PLEKHA5: variants seen among roughly 807,000 people sequenced by gnomAD.
PLEKHA5 encodes the protein pleckstrin homology domain-containing family A member 5.
PLEKHA5 carries 55 observed loss-of-function variants against 181.9 expected under a neutral mutation model. That is an observed-to-expected ratio of 0.30 (90% confidence interval 0.24 to 0.38). PLEKHA5 has a LOEUF of 0.38. PLEKHA5 is among the 10% of genes least tolerant of loss of function. The probability of loss-of-function intolerance (pLI) is 1.00; values close to 1 mark genes in which losing one functional copy is unlikely to be tolerated. For missense variants in PLEKHA5, 1,432 were observed against 1,549.5 expected, an observed-to-expected ratio of 0.92 and a Z score of 1.27; for synonymous variants, 535 against 529.4, an observed-to-expected ratio of 1.01 and a Z score of -0.15.
chr12:19,340,346 GC>G (rs1467684541), intron 21 of PLEKHA5, among the ~76,000 whole-genome samples: 5 of 144,874 alleles, frequency 3.5e-5, no homozygotes, highest in Non-Finnish European at 7.7e-5. Context: ...CCGGCCAGCC[GC>G]CCCGTCCAGG....
intron 11 of PLEKHA5, 45 bp downstream of exon 11, chr12:19,275,028 T>C: frequency 7.6e-7 from 1 of 1,320,216 alleles, no homozygotes; most frequent in Non-Finnish European, 1.1e-6. Flanking sequence ...TCTTTGATGC[T>C]GTGTTGGTGG....
At position 19,291,368 on chromosome 12, in the gene PLEKHA5, ACAGT is replaced by A. The variant is rs369200603; in HGVS notation, c.1984-271_1984-268del. Among the ~76,000 whole-genome samples the A allele has an allele frequency of 2.0e-3, 299 of 152,324 alleles. 1 individual carries two copies. The highest frequency in any genetic ancestry group is 5.4e-3 in the African/African-American group (224 of 41,592). ...AAATAATTGACATGTAAAAGTTCTA[ACAGT>A]CAGTTTGCTAAAGCTATTTTAAGGA... On this transcript the variant is annotated intron_variant, in intron 14 of 31. Transcript: ENST00000429027.
chr12:19,217,042 TA>T (rs1193005103), intron 3 of PLEKHA5, among the ~76,000 whole-genome samples: 2 of 152,196 alleles, frequency 1.3e-5, no homozygotes, highest in Non-Finnish European at 2.9e-5. Context: ...CTAAATTAAG[TA>T]AATGCAATAG....
chr12:19,332,303 GC>G (rs1263254208), intron 20 of PLEKHA5, among the ~76,000 whole-genome samples: 1 of 152,056 alleles, frequency 6.6e-6, no homozygotes. Flanking sequence ...CCCTCCTCCT[GC>G]CCAACATGCA....
At chr12:19,150,096 A>G (rs1457901906) in intron 3 of PLEKHA5, 1 of 152,238 alleles carries the variant, frequency 6.6e-6, no homozygotes, top group Non-Finnish European at 1.5e-5. Context: ...ATATGGGATT[A>G]CACTTGATCC....
At chr12:19,239,989 A>G (rs1433980337) in intron 3 of PLEKHA5, among the ~76,000 whole-genome samples, 2 of 152,244 alleles carry the variant, frequency 1.3e-5, no homozygotes, top group African/African-American at 4.8e-5. Flanking sequence ...TTGTTATGCT[A>G]CAAGATAGCT....
chr12:19,291,507 A>G, intron 14 of PLEKHA5, 137 bp from the exon 15 acceptor site: 3 of 527,322 alleles, frequency 5.7e-6, no homozygotes, highest in Non-Finnish European at 1.0e-5. Flanking sequence ...ACAGGGGAGC[A>G]TGTGCGTGAA....
In PLEKHA5 at chr12:19,282,262, C is replaced by T. The variant is rs1418468054; in HGVS notation, c.1314-1018C>T. ...ATTTTTAGATTGCTTTAAGAAGCCTCCTGAAAAATATTCTACCATCTATGA... is the reference window on the plus strand; with the variant it reads ...ATTTTTAGATTGCTTTAAGAAGCCTTCTGAAAAATATTCTACCATCTATGA... On this transcript the variant is annotated intron_variant, in intron 11 of 31. Transcript: ENST00000429027. Among the ~76,000 whole-genome samples the T allele has an allele frequency of 2.0e-5, 3 of 152,170 alleles. No individual in the cohort carries two copies. In the East Asian group the frequency reaches 5.8e-4, roughly 29 times the overall value.
rs2093443998 is a variant in PLEKHA5 at position 19,336,634 on chromosome 12, T to A, written c.2550+18T>A. 2.2e-6 allele frequency: 3 copies of A among 1,369,348 alleles called. No individual in the cohort carries two copies. Among genetic ancestry groups the A allele is most frequent in the Non-Finnish European group, 3.1e-6 (3 of 961,602 alleles). The allele number at this position is 1,369,348 out of a possible 1,614,324, so 84.8% of individuals were successfully genotyped here. On this transcript the variant is annotated intron_variant, in intron 21 of 31. Coordinates refer to ENST00000429027, the MANE Select transcript of PLEKHA5 (RefSeq NM_001256470.2). Reference sequence around the variant, plus strand: ...AAGTTCAGGTACAAAAGTATAATATTCTTTATATTGTTTTAACTGTTTTTA... The same window carrying A: ...AAGTTCAGGTACAAAAGTATAATATACTTTATATTGTTTTAACTGTTTTTA...
At chr12:19,178,170 T>C (rs1358001768) in intron 3 of PLEKHA5, among the ~76,000 whole-genome samples, 5 of 152,220 alleles carry the variant, frequency 3.3e-5, no homozygotes, top group Non-Finnish European at 7.3e-5. Flanking sequence ...AGTATTGTCA[T>C]TTCCTTTGTG....
intron 3 of PLEKHA5, among the ~76,000 whole-genome samples, chr12:19,141,982 T>C (rs915487149): frequency 3.9e-5 from 6 of 152,198 alleles, no homozygotes; most frequent in African/African-American, 1.4e-4. Flanking sequence ...ACATATATTG[T>C]TTCTTTGGAT....
At chr12:19,345,092 T>G (rs1253944635) in intron 22 of PLEKHA5, among the ~76,000 whole-genome samples, 2 of 129,878 alleles carry the variant, frequency 1.5e-5, no homozygotes, top group South Asian at 2.4e-4. Flanking sequence ...GGCAACAGAG[T>G]GAAAAACAAT....
intron 15 of PLEKHA5, chr12:19,306,626 G>C (rs1259962469): frequency 1.8e-6 from 2 of 1,086,214 alleles, no homozygotes; most frequent in Admixed American, 3.4e-5. Context: ...TGGCGGCGGT[G>C]GAGGCGGCGG....
intron 25 of PLEKHA5, 23 bp downstream of exon 25, chr12:19,348,542 A>G: frequency 1.3e-6 from 2 of 1,530,440 alleles, no homozygotes; most frequent in Non-Finnish European, 1.7e-6. Flanking sequence ...AATATGTTTT[A>G]CCTCTTGGTT....
intron 7 of PLEKHA5, among the ~76,000 whole-genome samples, chr12:19,265,442 C>G (rs569473798): frequency 7.0e-4 from 107 of 152,250 alleles, no homozygotes; most frequent in Non-Finnish European, 1.3e-3. Context: ...ATGTATTTGT[C>G]TGGGGATAGA....
intron 31 of PLEKHA5, among the ~76,000 whole-genome samples, chr12:19,374,822 A>T (rs937657312): frequency 6.7e-6 from 1 of 148,994 alleles, no homozygotes; most frequent in African/African-American, 2.5e-5. Flanking sequence ...GGATGTGGTG[A>T]TGTGCACCTG....
chr12:19,364,406 G>C (rs1233567094), intron 29 of PLEKHA5, among the ~76,000 whole-genome samples: 1 of 151,908 alleles, frequency 6.6e-6, no homozygotes, highest in Non-Finnish European at 1.5e-5. Context: ...ACCTGCTTGT[G>C]AGACTGAGGC....
chr12:19,131,055 T>C (rs2033655791), intron 2 of PLEKHA5, among the ~76,000 whole-genome samples: 1 of 152,228 alleles, frequency 6.6e-6, no homozygotes, highest in Non-Finnish European at 1.5e-5. Flanking sequence ...GGGTTTCTTT[T>C]ATCATTCTTT....
At chr12:19,344,846 C>T (rs568654743) in intron 22 of PLEKHA5, among the ~76,000 whole-genome samples, 8 of 151,960 alleles carry the variant, frequency 5.3e-5, no homozygotes, top group African/African-American at 1.9e-4. Flanking sequence ...TGGTTGCTCA[C>T]GCCTGTAATC....
Sources: allele counts gnomAD v4.1 joint callset (sites outside exome capture counted in the v4.1 genomes callset), GRCh38; gene constraint gnomAD v4.1.1; transcripts MANE v1.5; gene names NCBI Gene and HGNC (gene_info 2026-07-23, HGNC 2026-07-21).